KALRN: variants seen among roughly 807,000 people sequenced by gnomAD.
KALRN encodes kalirin RhoGEF kinase.
A neutral mutation model predicts 353.7 loss-of-function variants in KALRN; 70 were observed. That is an observed-to-expected ratio of 0.20 (90% CI 0.16 to 0.24). The LOEUF is 0.24. Among genes scored for constraint, KALRN ranks in the 10% least tolerant of loss-of-function variants. KALRN has a pLI of 1.00. For missense variants in KALRN, 2,791 were observed against 3,756.7 expected, an observed-to-expected ratio of 0.74 and a Z score of 6.72; for synonymous variants, 1,391 against 1,434.8, an observed-to-expected ratio of 0.97 and a Z score of 0.69.
At chr3:124,080,414 A>G (rs1375121745) in intron 1 of KALRN, among the ~76,000 whole-genome samples, 1 of 152,184 alleles carries the variant, frequency 6.6e-6, no homozygotes, top group Non-Finnish European at 1.5e-5. Flanking sequence ...AGATCCTGGT[A>G]TTAGTTATTA....
rs868359059 is a variant in KALRN, at chr3:124,368,250, C to T, written c.1771-16595C>T. The stretch of plus-strand genomic sequence containing the variant: ...TGGCCAGGCGGGGGGCTGACCCCCC[C>T]ACCTCCCTCCCGGACGGGGCGGCTG... On this transcript the variant is annotated intron_variant, in intron 10 of 59. Transcript: ENST00000682506. Among the ~76,000 whole-genome samples, 872 of 134,524 alleles carry T rather than the reference C, an allele frequency of 6.5e-3. 18 individuals carry two copies. The highest frequency in any genetic ancestry group is 0.029 in the African/African-American group (776 of 27,018). The allele number at this position is 134,524 out of a possible 152,430, so 88.3% of individuals were successfully genotyped here. A position where few individuals can be genotyped will look rare whatever the true frequency, so the allele number is the denominator to read the frequency against.
chr3:124,197,646 C>A (rs1444143606), intron 1 of KALRN, among the ~76,000 whole-genome samples: 1 of 152,188 alleles, frequency 6.6e-6, no homozygotes, highest in African/African-American at 2.4e-5. Context: ...CATTCTAATG[C>A]TGTTTCCAAG....
At chr3:124,638,618 T>G (rs949207620) in intron 37 of KALRN, among the ~76,000 whole-genome samples, 1 of 152,214 alleles carries the variant, frequency 6.6e-6, no homozygotes, top group Non-Finnish European at 1.5e-5. Context: ...CATCTGAGCA[T>G]GGGCCCTGAA....
At chr3:124,311,703 G>A (rs1200063314) in intron 6 of KALRN, among the ~76,000 whole-genome samples, 1 of 152,122 alleles carries the variant, frequency 6.6e-6, no homozygotes, top group East Asian at 1.9e-4. Flanking sequence ...ACAAATGTTT[G>A]CAGCAACATT....
intron 10 of KALRN, among the ~76,000 whole-genome samples, chr3:124,367,437 A>C (rs2084993998): frequency 1.5e-5 from 1 of 65,702 alleles, no homozygotes; most frequent in African/African-American, 6.7e-5. Flanking sequence ...TCCCTCCCGG[A>C]CGGGGCGGCT....
At chr3:124,617,093 A>T (rs546667692) in intron 34 of KALRN, among the ~76,000 whole-genome samples, 5 of 152,002 alleles carry the variant, frequency 3.3e-5, no homozygotes, top group Admixed American at 3.3e-4. Context: ...GCACTTTGGG[A>T]GGCTGAGGCA....
chr3:124,693,035 G>A (rs2061893029), intron 51 of KALRN, among the ~76,000 whole-genome samples: 1 of 152,214 alleles, frequency 6.6e-6, no homozygotes, highest in African/African-American at 2.4e-5. Context: ...AGGCAGCATG[G>A]TATATACCAA....
At chr3:124,571,611 T>C (rs12486030) in intron 34 of KALRN, among the ~76,000 whole-genome samples, 8 of 152,184 alleles carry the variant, frequency 5.3e-5, no homozygotes, top group Admixed American at 5.2e-4. Flanking sequence ...AAAATGTCTG[T>C]TTTTTTCTCT....
chr3:124,415,048 C>T (rs1014626177), intron 14 of KALRN, among the ~76,000 whole-genome samples: 2 of 152,240 alleles, frequency 1.3e-5, no homozygotes, highest in Non-Finnish European at 2.9e-5. Context: ...TCAGCATAGT[C>T]TGTCCTTGAA....
At chr3:124,554,713 A>G (rs1381352952) in intron 33 of KALRN, among the ~76,000 whole-genome samples, 2 of 151,986 alleles carry the variant, frequency 1.3e-5, no homozygotes, top group Non-Finnish European at 2.9e-5. Flanking sequence ...CTGGTAATCT[A>G]TAGCTGAATA....
chr3:124,303,490 G>T (rs1483631238), intron 6 of KALRN, among the ~76,000 whole-genome samples: 1 of 152,134 alleles, frequency 6.6e-6, no homozygotes, highest in East Asian at 1.9e-4. Context: ...ATGGGAGTAT[G>T]GGCAGATGGA....
At chr3:124,682,839 T>A (rs1400046548) in intron 51 of KALRN, among the ~76,000 whole-genome samples, 7 of 152,112 alleles carry the variant, frequency 4.6e-5, no homozygotes, top group African/African-American at 1.7e-4. Flanking sequence ...AATGTTTACA[T>A]CCTTTTCCTT....
At chr3:124,554,284 G>A (rs186673607) in intron 33 of KALRN, among the ~76,000 whole-genome samples, 1 of 152,332 alleles carries the variant, frequency 6.6e-6, no homozygotes, top group African/African-American at 2.4e-5. Flanking sequence ...TGACCTGGGA[G>A]GTGGAGGTTT....
intron 5 of KALRN, among the ~76,000 whole-genome samples, 179 bp downstream of exon 5, chr3:124,269,434 G>GT (rs1378103418): frequency 6.6e-6 from 1 of 152,210 alleles, no homozygotes; most frequent in Non-Finnish European, 1.5e-5. Flanking sequence ...TATGTGCCCA[G>GT]TATTGTTCTA....
At chr3:124,667,269 T>C in intron 47 of KALRN, 86 bp downstream of exon 47, 1 of 1,201,438 alleles carries the variant, frequency 8.3e-7, no homozygotes, top group Non-Finnish European at 1.1e-6. Context: ...TCATGTTGAG[T>C]TATGAACCCA....
chr3:124,183,997 A>G (rs2150232959), intron 1 of KALRN, among the ~76,000 whole-genome samples: 1 of 152,272 alleles, frequency 6.6e-6, no homozygotes, highest in African/African-American at 2.4e-5. Context: ...TGCTGTGGGG[A>G]CAGAAGAAGG....
chr3:124,595,497 T>C (rs951411507), intron 34 of KALRN, among the ~76,000 whole-genome samples: 6 of 152,210 alleles, frequency 3.9e-5, no homozygotes, highest in African/African-American at 1.4e-4. Context: ...CATGTAAATG[T>C]GATTTGTTCT....
chr3:124,398,128 A>G (rs1403726897), intron 12 of KALRN, among the ~76,000 whole-genome samples: 1 of 152,224 alleles, frequency 6.6e-6, no homozygotes, highest in Non-Finnish European at 1.5e-5. Context: ...TTTCCTAAGT[A>G]TAGCCTGAGC....
intron 1 of KALRN, among the ~76,000 whole-genome samples, chr3:124,145,058 C>T (rs2067157088): frequency 6.6e-6 from 1 of 152,070 alleles, no homozygotes; most frequent in Non-Finnish European, 1.5e-5. Flanking sequence ...AGGGGAGGAG[C>T]AAGCCCTTCT....
Sources: gnomAD v4.1 joint callset for allele counts (sites outside exome capture counted in the v4.1 genomes callset) on GRCh38, gnomAD v4.1.1 for gene constraint, MANE v1.5 for transcripts, NCBI Gene and HGNC (gene_info 2026-07-23, HGNC 2026-07-21) for gene names.